Variants in GARNL3 observed in about 807,000 individuals in gnomAD.
GARNL3 encodes GTPase-activating Rap/Ran-GAP domain-like protein 3.
GARNL3 carries 63 observed loss-of-function variants against 125.0 expected under a neutral mutation model. The ratio of observed to expected loss-of-function variants is 0.50; its 90% CI spans 0.41 to 0.62. The LOEUF is 0.62. Ranked by LOEUF, GARNL3 falls within the 20% of genes least tolerant of loss-of-function variation. GARNL3 has a pLI of 0.00. For synonymous variants in GARNL3, 439 were observed against 457.5 expected (o/e 0.96, Z 0.52); for missense variants, 994 against 1,244.0 (o/e 0.80, Z 3.02).
chr9:127,323,374 C>A (rs1370060481), intron 6 of GARNL3, among the ~76,000 whole-genome samples: 1 of 152,204 alleles, frequency 6.6e-6, no homozygotes, highest in Admixed American at 6.5e-5. Flanking sequence ...AAAGAAACTG[C>A]AACATAAATG....
At chr9:127,289,064 G>C (rs2064334801) in intron 1 of GARNL3, among the ~76,000 whole-genome samples, 1 of 152,170 alleles carries the variant, frequency 6.6e-6, no homozygotes, top group South Asian at 2.1e-4. Flanking sequence ...AAATCTACTT[G>C]CTTTTCCCTC....
chr9:127,323,520 A>G (rs1457211261), intron 6 of GARNL3, among the ~76,000 whole-genome samples: 1 of 152,162 alleles, frequency 6.6e-6, no homozygotes, highest in Non-Finnish European at 1.5e-5. Flanking sequence ...CTCTATTACC[A>G]GGCCAGGGAC....
chr9:127,320,873 A>C (rs1474396621), intron 6 of GARNL3, 95 bp downstream of exon 6: 2 of 797,214 alleles, frequency 2.5e-6, no homozygotes, highest in Non-Finnish European at 4.2e-6. Context: ...CTGGGATGCA[A>C]AGCCAAATCA....
intron 2 of GARNL3, among the ~76,000 whole-genome samples, chr9:127,305,442 G>A (rs921805311): frequency 6.6e-6 from 1 of 152,214 alleles, no homozygotes; most frequent in African/African-American, 2.4e-5. Flanking sequence ...GTTTTAGCAA[G>A]GGATGGGAAG....
At chr9:127,299,473 C>T (rs551531865) in intron 2 of GARNL3, among the ~76,000 whole-genome samples, 2 of 152,194 alleles carry the variant, frequency 1.3e-5, no homozygotes, top group Non-Finnish European at 2.9e-5. Context: ...CATCTTGGCT[C>T]ACTGCAAACT....
At chr9:127,238,208 C>T (rs904056523) in intron 1 of GARNL3, among the ~76,000 whole-genome samples, 7 of 152,118 alleles carry the variant, frequency 4.6e-5, no homozygotes, top group African/African-American at 7.2e-5. Flanking sequence ...AGGCTGATCT[C>T]GAACTCCTGA....
intron 4 of GARNL3, among the ~76,000 whole-genome samples, chr9:127,317,736 CA>C: frequency 9.4e-6 from 1 of 106,372 alleles, no homozygotes; most frequent in African/African-American, 3.3e-5. Context: ...CAAAACAAAA[CA>C]ACAACAACAA....
chr9:127,390,941 G>A (rs572339578), intron 27 of GARNL3, among the ~76,000 whole-genome samples, 174 bp downstream of exon 27: 94 of 152,168 alleles, frequency 6.2e-4, no homozygotes, highest in Admixed American at 5.2e-4. Flanking sequence ...TGCCAGGGAG[G>A]GATCTAGACA....
intron 3 of GARNL3, 117 bp from the exon 4 acceptor site, chr9:127,313,324 T>C (rs2065144900): frequency 1.3e-6 from 1 of 764,436 alleles, no homozygotes; most frequent in South Asian, 1.5e-5. Context: ...AAGCTGGCTT[T>C]GGGATTATTG....
intron 26 of GARNL3, among the ~76,000 whole-genome samples, chr9:127,390,253 T>C (rs538235628): frequency 6.6e-6 from 1 of 152,302 alleles, no homozygotes; most frequent in East Asian, 1.9e-4. Context: ...TACTGTGTTT[T>C]GAAAATAAAT....
intron 1 of GARNL3, among the ~76,000 whole-genome samples, chr9:127,237,231 G>A (rs2063128763): frequency 6.6e-6 from 1 of 152,166 alleles, no homozygotes. Context: ...ACTAACTACA[G>A]ACCCATGCTG....
At chr9:127,265,516 CAATATTTGGAATGAA>C in intron 1 of GARNL3, among the ~76,000 whole-genome samples, 1 of 151,962 alleles carries the variant, frequency 6.6e-6, no homozygotes, top group East Asian at 1.9e-4. Context: ...TATGGATGAT[CAATATTTGGAATGAA>C]AATATTTACA....
intron 19 of GARNL3, among the ~76,000 whole-genome samples, 156 bp downstream of exon 19, chr9:127,354,566 G>A (rs1830586938): frequency 6.6e-6 from 1 of 152,156 alleles, no homozygotes; most frequent in African/African-American, 2.4e-5. Flanking sequence ...TTTCCAGAAG[G>A]AGCTTGAAAG....
chr9:127,302,232 G>A (rs1588802884), intron 2 of GARNL3, among the ~76,000 whole-genome samples: 2 of 151,960 alleles, frequency 1.3e-5, no homozygotes, highest in African/African-American at 4.8e-5. Flanking sequence ...TTGAGCCACC[G>A]CGCTCGGCCG....
chr9:127,333,037 C>A lies in GARNL3; in HGVS notation c.685C>A (p.Pro229Thr), dbSNP rs573502734. 2 of 1,613,668 alleles carry A rather than the reference C, an allele frequency of 1.2e-6. No homozygotes were observed. Among genetic ancestry groups the A allele is most frequent in the Non-Finnish European group, 1.7e-6 (2 of 1,179,596 alleles). The part of the protein sequence containing the change: ...EMFSNEIGSE[P>T]FQKFLNLLGD... Reference sequence around the variant, plus strand: ...TCTTCCTGCAGAAATTGGAAGCGAGCCTTTTCAAAAATTTTTAAATCTTCT... The same window carrying A: ...TCTTCCTGCAGAAATTGGAAGCGAGACTTTTCAAAAATTTTTAAATCTTCT... The change falls in exon 9 of 28, where the codon CCT becomes ACT. Residue 229 changes from proline (P) to threonine (T), a missense_variant. Pro to Thr is a conservative substitution (Grantham distance 38). Coordinates refer to ENST00000373387, the MANE Select transcript of GARNL3 (RefSeq NM_032293.5).
At chr9:127,339,618 A>G (rs747226879) in intron 12 of GARNL3, 27 bp from the exon 13 acceptor site, 2 of 1,508,212 alleles carry the variant, frequency 1.3e-6, no homozygotes, top group Admixed American at 3.3e-5. Context: ...AAGTGCTAAT[A>G]TTAATTCTGC....
intron 22 of GARNL3, among the ~76,000 whole-genome samples, chr9:127,377,743 G>A (rs974074108): frequency 1.4e-5 from 2 of 148,112 alleles, no homozygotes; most frequent in African/African-American, 2.5e-5. Context: ...AGCTGAGATC[G>A]TGCCATTGCA....
intron 7 of GARNL3, among the ~76,000 whole-genome samples, chr9:127,330,652 T>A (rs1829173008): frequency 6.6e-6 from 1 of 152,078 alleles, no homozygotes; most frequent in African/African-American, 2.4e-5. Context: ...TCGAGGAGAA[T>A]AAACAAGGTT....
At chr9:127,251,847 A>G (rs1233481875) in intron 2 of GARNL3, among the ~76,000 whole-genome samples, 3 of 152,184 alleles carry the variant, frequency 2.0e-5, no homozygotes, top group South Asian at 2.1e-4. Context: ...CCCTTTTTCT[A>G]TCTGCCTAAA....
Sources: allele counts gnomAD v4.1 joint callset (sites outside exome capture counted in the v4.1 genomes callset), GRCh38; gene constraint gnomAD v4.1.1; transcripts MANE v1.5; gene names NCBI Gene and HGNC (gene_info 2026-07-23, HGNC 2026-07-21).